RSRC1: variants seen among roughly 807,000 people sequenced by gnomAD.
The protein encoded by RSRC1 is arginine and serine rich coiled-coil 1.
RSRC1 carries 39 observed loss-of-function variants against 49.1 expected under a neutral mutation model. The observed-to-expected ratio is 0.79, with a 90% CI of 0.61 to 1.04. The LOEUF is 1.04. Among genes scored for constraint, RSRC1 ranks in the 50% least tolerant of loss-of-function variants. RSRC1 has a pLI of 0.00. For synonymous variants in RSRC1, 143 were observed against 130.8 expected (o/e 1.09, Z -0.63); for missense variants, 388 against 402.4 (o/e 0.96, Z 0.31).
intron 5 of RSRC1, chr3:158,336,523 G>A (rs901860203): frequency 1.9e-5 from 3 of 155,212 alleles, no homozygotes; most frequent in African/African-American, 7.2e-5. Flanking sequence ...CCCATGTGGA[G>A]GTGACACGGT....
chr3:158,225,738 G>A (rs1236907839), intron 4 of RSRC1: 1 of 449,276 alleles, frequency 2.2e-6, no homozygotes, highest in Non-Finnish European at 4.4e-6. Flanking sequence ...CAAATTGTGA[G>A]TAAACCTATA....
intron 3 of RSRC1, among the ~76,000 whole-genome samples, chr3:158,149,292 A>C (rs763358652): frequency 1.6e-4 from 25 of 152,200 alleles, no homozygotes; most frequent in Non-Finnish European, 2.9e-4. Context: ...TTTTCTCAGT[A>C]TATCCCACTT....
intron 5 of RSRC1, among the ~76,000 whole-genome samples, chr3:158,313,526 C>T (rs962172515): frequency 2.4e-4 from 37 of 152,110 alleles, no homozygotes; most frequent in African/African-American, 8.5e-4. Flanking sequence ...AGAGCAGTGC[C>T]ATCTATTGGC....
At chr3:158,338,953 G>A (rs971340709) in intron 5 of RSRC1, among the ~76,000 whole-genome samples, 7 of 152,196 alleles carry the variant, frequency 4.6e-5, no homozygotes, top group Non-Finnish European at 7.4e-5. Context: ...ATGGGATCTC[G>A]AACATTATAA....
At chr3:158,282,339 T>C (rs979771443) in intron 4 of RSRC1, among the ~76,000 whole-genome samples, 2 of 152,214 alleles carry the variant, frequency 1.3e-5, no homozygotes, top group African/African-American at 4.8e-5. Flanking sequence ...GTAACTTTTG[T>C]GTGGCATGAC....
intron 4 of RSRC1, among the ~76,000 whole-genome samples, chr3:158,261,421 G>A (rs932807384): frequency 6.6e-6 from 1 of 152,178 alleles, no homozygotes; most frequent in South Asian, 2.1e-4. Flanking sequence ...CCTTGGTGAA[G>A]TGTGTGTTTA....
At chr3:158,294,708 G>T (rs982714186) in intron 4 of RSRC1, among the ~76,000 whole-genome samples, 5 of 151,980 alleles carry the variant, frequency 3.3e-5, no homozygotes, top group Admixed American at 6.6e-5. Context: ...CTCAAAAACA[G>T]TAAAAAAAAT....
intron 7 of RSRC1, among the ~76,000 whole-genome samples, chr3:158,521,887 A>G (rs1474868055): frequency 6.6e-6 from 1 of 152,066 alleles, no homozygotes; most frequent in Non-Finnish European, 1.5e-5. Flanking sequence ...TATGCTTCCT[A>G]TATCTGAATG....
chr3:158,171,812 G>A (rs774888595), intron 3 of RSRC1, among the ~76,000 whole-genome samples: 20 of 151,930 alleles, frequency 1.3e-4, no homozygotes, highest in Non-Finnish European at 2.4e-4. Flanking sequence ...TCAGCCAGGC[G>A]TCATTGTGCA....
chr3:158,529,833 T>C (rs1420494950), intron 7 of RSRC1, among the ~76,000 whole-genome samples: 1 of 151,998 alleles, frequency 6.6e-6, no homozygotes, highest in Non-Finnish European at 1.5e-5. Flanking sequence ...CATTAGGAAG[T>C]GACAAGATCT....
chr3:158,366,826 C>T (rs1377629141), intron 6 of RSRC1, among the ~76,000 whole-genome samples: 7 of 152,038 alleles, frequency 4.6e-5, no homozygotes, highest in African/African-American at 7.2e-5. Context: ...CTTATTTCCT[C>T]GAGCAGTGGT....
intron 4 of RSRC1, among the ~76,000 whole-genome samples, chr3:158,236,690 C>T (rs1242522987): frequency 6.6e-6 from 1 of 152,056 alleles, no homozygotes; most frequent in African/African-American, 2.4e-5. Context: ...AATGAATGAA[C>T]CACAATTTAT....
At chr3:158,211,308 G>A (rs565192120) in intron 4 of RSRC1, among the ~76,000 whole-genome samples, 11 of 151,936 alleles carry the variant, frequency 7.2e-5, no homozygotes, top group African/African-American at 1.9e-4. Flanking sequence ...TTTTTAAAAC[G>A]GCAAAACCAT....
intron 3 of RSRC1, among the ~76,000 whole-genome samples, chr3:158,153,732 A>G (rs1003329665): frequency 6.6e-6 from 1 of 152,168 alleles, no homozygotes; most frequent in Non-Finnish European, 1.5e-5. Context: ...TAGCATAATT[A>G]TGTTCACTGT....
intron 3 of RSRC1, among the ~76,000 whole-genome samples, chr3:158,173,910 A>G (rs1285124019): frequency 2.6e-5 from 4 of 152,056 alleles, no homozygotes; most frequent in African/African-American, 7.2e-5. Flanking sequence ...AAAACAGTCT[A>G]TAAAGACAAA....
intron 7 of RSRC1, among the ~76,000 whole-genome samples, chr3:158,533,291 G>A (rs1712516196): frequency 6.6e-6 from 1 of 151,696 alleles, no homozygotes. Flanking sequence ...CTATGTTGGT[G>A]TATTTTCATA....
chr3:158,230,171 A>G (rs763071237), intron 4 of RSRC1, among the ~76,000 whole-genome samples: 7 of 152,006 alleles, frequency 4.6e-5, no homozygotes, highest in Non-Finnish European at 8.8e-5. Context: ...GTGTGCCTCA[A>G]TTTGGGTTTG....
At chr3:158,122,397 T>C in intron 2 of RSRC1, 99 bp downstream of exon 2, 1 of 903,692 alleles carries the variant, frequency 1.1e-6, no homozygotes, top group South Asian at 2.3e-5. Flanking sequence ...CATTTTTCTT[T>C]TACTAGCTAT....
chr3:158,259,976 T>C (rs1043971279), intron 4 of RSRC1, among the ~76,000 whole-genome samples: 5 of 151,830 alleles, frequency 3.3e-5, no homozygotes, highest in African/African-American at 1.2e-4. Context: ...TTCAGGTAAG[T>C]TGGGTCCCCT....
Sources: allele counts gnomAD v4.1 joint callset (sites outside exome capture counted in the v4.1 genomes callset), GRCh38; gene constraint gnomAD v4.1.1; transcripts MANE v1.5; gene names NCBI Gene and HGNC (gene_info 2026-07-23, HGNC 2026-07-21).